MARK3: variants seen among roughly 807,000 people sequenced by gnomAD.
MARK3 encodes the protein MAP/microtubule affinity-regulating kinase 3.
A neutral mutation model predicts 90.1 loss-of-function variants in MARK3; 46 were observed. The ratio of observed to expected loss-of-function variants is 0.51; its 90% CI spans 0.40 to 0.65. The LOEUF (loss-of-function observed/expected upper bound fraction) is 0.65. MARK3 is among the 30% of genes least tolerant of loss of function. The pLI, the probability that MARK3 is intolerant of heterozygous loss-of-function variation, is 0.00. For synonymous variants in MARK3, 321 were observed against 332.6 expected, an observed-to-expected ratio of 0.97 and a Z score of 0.38; for missense variants, 818 against 947.2, an observed-to-expected ratio of 0.86 and a Z score of 1.79.
At chr14:103,453,074 G>A (rs2093192414) in intron 5 of MARK3, among the ~76,000 whole-genome samples, 3 of 152,136 alleles carry the variant, frequency 2.0e-5, no homozygotes, top group Non-Finnish European at 1.5e-5. Context: ...CATCACTAGA[G>A]TTTCCTTAAA....
intron 14 of MARK3, chr14:103,491,025 A>T: frequency 7.8e-7 from 1 of 1,288,624 alleles, no homozygotes; most frequent in Non-Finnish European, 1.0e-6. Flanking sequence ...GAGACATCAG[A>T]AGTCGATGTC....
At chr14:103,469,904 T>TA (rs1183440907) in intron 12 of MARK3, among the ~76,000 whole-genome samples, 1 of 151,406 alleles carries the variant, frequency 6.6e-6, no homozygotes, top group Admixed American at 6.6e-5. Flanking sequence ...CTACTAAAAA[T>TA]AAAAAAATTA....
At chr14:103,458,454 C>CAAAAAA (rs36020485) in intron 6 of MARK3, among the ~76,000 whole-genome samples, 3 of 30,758 alleles carry the variant, frequency 9.8e-5, no homozygotes, top group Non-Finnish European at 1.8e-4. Context: ...GACTCCATCT[C>CAAAAAA]AAAAAAAAAA....
chr14:103,388,003 C>T (rs562395923), intron 1 of MARK3, among the ~76,000 whole-genome samples: 1 of 152,296 alleles, frequency 6.6e-6, no homozygotes, highest in Non-Finnish European at 1.5e-5. Flanking sequence ...ATGATCTCGG[C>T]TCACTGCAAC....
intron 2 of MARK3, among the ~76,000 whole-genome samples, chr14:103,425,367 C>T (rs1234476207): frequency 1.3e-5 from 2 of 151,966 alleles, no homozygotes; most frequent in Non-Finnish European, 2.9e-5. Flanking sequence ...TCAAGTGGTT[C>T]TCCCGCCTCA....
In MARK3 at chr14:103,411,456, A is replaced by C. The variant is rs117998936; in HGVS notation, c.243+6189A>C. ...GTCCCAGAACCATCAGTTCTCTCCC[A>C]ACAATTGAAGATACCTGCGTTAACA... On this transcript the variant is annotated intron_variant, in intron 2 of 17. Transcript: ENST00000429436. Among the ~76,000 whole-genome samples, 158 of 152,246 alleles carry C rather than the reference A, an allele frequency of 1.0e-3. 5 individuals are homozygous for C. The East Asian group carries it at 0.026, about 25-fold the overall frequency.
intron 1 of MARK3, among the ~76,000 whole-genome samples, chr14:103,389,618 T>C (rs1390834971): frequency 6.6e-6 from 1 of 150,390 alleles, no homozygotes; most frequent in Non-Finnish European, 1.5e-5. Context: ...TTTCCAAATA[T>C]TAATGTCCAC....
intron 7 of MARK3, among the ~76,000 whole-genome samples, chr14:103,462,949 T>C (rs2093429727): frequency 6.6e-6 from 1 of 152,142 alleles, no homozygotes; most frequent in Admixed American, 6.5e-5. Context: ...CCCTCAAACC[T>C]AGCAGCACCT....
Position 103,465,672 on chromosome 14 carries a change from C to T in MARK3, c.656C>T (p.Ala219Val), listed in dbSNP as rs1481848819. The stretch of plus-strand genomic sequence containing the variant: ...ACGTTTTGTGGCAGTCCTCCATACG[C>T]AGCACCTGAGCTCTTCCAGGGCAAG... The part of the protein sequence containing the change: ...LDTFCGSPPY[A>V]APELFQGKKY... The change falls in exon 8 of 18, where the codon GCA becomes GTA. Residue 219 changes from alanine (A) to valine (V), a missense_variant. Around this residue, in one of 3 missense-constraint regions of MARK3, gnomAD observed 101 missense variants for 175.1 expected, o/e 0.58. Coordinates refer to ENST00000429436, the MANE Select transcript of MARK3 (RefSeq NM_001128918.3). The T allele has an allele frequency of 6.2e-7, 1 of 1,613,994 alleles. No homozygotes were observed. The highest frequency in any genetic ancestry group is 8.5e-7 in the Non-Finnish European group (1 of 1,180,010).
chr14:103,415,368 A>G (rs147853169), intron 2 of MARK3, among the ~76,000 whole-genome samples: 2 of 152,258 alleles, frequency 1.3e-5, no homozygotes, highest in African/African-American at 2.4e-5. Flanking sequence ...CCATGAACCA[A>G]TCAGAAATGG....
intron 14 of MARK3, among the ~76,000 whole-genome samples, chr14:103,482,173 A>G (rs182365808): frequency 6.6e-6 from 1 of 152,272 alleles, no homozygotes; most frequent in Admixed American, 6.5e-5. Context: ...AAATATCAAT[A>G]GAAGACTTAA....
At chr14:103,429,680 C>T (rs1370954522) in intron 3 of MARK3, among the ~76,000 whole-genome samples, 1 of 152,166 alleles carries the variant, frequency 6.6e-6, no homozygotes, top group African/African-American at 2.4e-5. Flanking sequence ...GTCCTTTGTC[C>T]TGAAGAGTAA....
chr14:103,475,277 T>C, intron 13 of MARK3, 67 bp downstream of exon 13: 1 of 1,320,696 alleles, frequency 7.6e-7, no homozygotes, highest in East Asian at 2.3e-5. Context: ...ACACCAGGTG[T>C]TCATTTTACT....
intron 3 of MARK3, 144 bp from the exon 4 acceptor site, chr14:103,448,775 A>G: frequency 1.3e-6 from 1 of 755,010 alleles, no homozygotes; most frequent in South Asian, 2.2e-5. Context: ...GGACTTTCAT[A>G]TTAGTCTTAG....
intron 2 of MARK3, among the ~76,000 whole-genome samples, chr14:103,405,562 C>T (rs2091232733): frequency 6.6e-6 from 1 of 152,090 alleles, no homozygotes. Flanking sequence ...AGGATGGTCT[C>T]GATCTCCTGA....
intron 2 of MARK3, among the ~76,000 whole-genome samples, chr14:103,427,814 TTTCATC>T (rs2092459896): frequency 6.6e-6 from 1 of 152,200 alleles, no homozygotes; most frequent in Non-Finnish European, 1.5e-5. Context: ...CAGAGGTCAC[TTTCATC>T]GCCATCTTGG....
At chr14:103,495,156 A>G (rs2075270657) in intron 15 of MARK3, among the ~76,000 whole-genome samples, 1 of 152,146 alleles carries the variant, frequency 6.6e-6, no homozygotes, top group South Asian at 2.1e-4. Flanking sequence ...TGAAGTTTGG[A>G]GAGATTAAGG....
chr14:103,446,911 G>C (rs981562764), intron 3 of MARK3, among the ~76,000 whole-genome samples: 2 of 150,366 alleles, frequency 1.3e-5, no homozygotes, highest in Admixed American at 1.3e-4. Context: ...TAGTTTAACA[G>C]AGGAGAGCTA....
chr14:103,413,412 TG>T (rs1330876223), intron 2 of MARK3, among the ~76,000 whole-genome samples: 1 of 148,866 alleles, frequency 6.7e-6, no homozygotes, highest in Non-Finnish European at 1.5e-5. Context: ...AAGTTTATAT[TG>T]TTTTTTAATA....
Sources: gnomAD v4.1 joint callset for allele counts (sites outside exome capture counted in the v4.1 genomes callset) on GRCh38, gnomAD v4.1.1 for gene constraint, gnomAD v4.1.1 regional missense constraint, MANE v1.5 for transcripts, NCBI Gene and HGNC (gene_info 2026-07-23, HGNC 2026-07-21) for gene names.